The following RCAN1 variants were observed in gnomAD, a reference collection of about 807,000 sequenced individuals.
The protein encoded by RCAN1 is calcipressin-1.
A neutral mutation model predicts 22.9 loss-of-function variants in RCAN1; 11 were observed. The ratio of observed to expected loss-of-function variants is 0.48; its 90% CI spans 0.30 to 0.79. The LOEUF is 0.79. RCAN1 is among the 30% of genes least tolerant of loss of function. RCAN1 has a pLI of 0.06. For missense variants in RCAN1, 291 were observed against 337.8 expected, an observed-to-expected ratio of 0.86 and a Z score of 1.09; for synonymous variants, 136 against 142.3, an observed-to-expected ratio of 0.96 and a Z score of 0.32.
chr21:34,560,949 C>T (rs1986767830), intron 1 of RCAN1, among the ~76,000 whole-genome samples: 1 of 152,210 alleles, frequency 6.6e-6, no homozygotes, highest in South Asian at 2.1e-4. Flanking sequence ...CTCGATAATC[C>T]CCACATGTCA....
At chr21:34,536,338 T>C (rs755798304) in intron 1 of RCAN1, among the ~76,000 whole-genome samples, 7 of 152,246 alleles carry the variant, frequency 4.6e-5, no homozygotes, top group Non-Finnish European at 7.3e-5. Flanking sequence ...AATTTCTGCT[T>C]TGATGCCATT....
chr21:34,524,626 ACT>A (rs1206573276), intron 1 of RCAN1: 1 of 153,072 alleles, frequency 6.5e-6, no homozygotes, highest in African/African-American at 2.4e-5. Flanking sequence ...TTACTTTTTA[ACT>A]CTCTAAAATG....
At chr21:34,525,185 C>T (rs896463240) in intron 1 of RCAN1, 31 of 1,550,438 alleles carry the variant, frequency 2.0e-5, no homozygotes, top group Non-Finnish European at 2.6e-5. Flanking sequence ...TGCTAGCAAG[C>T]GCGGGGAGGC....
At chr21:34,532,556 T>A (rs138716781) in intron 1 of RCAN1, among the ~76,000 whole-genome samples, 1 of 152,306 alleles carries the variant, frequency 6.6e-6, no homozygotes, top group East Asian at 1.9e-4. Flanking sequence ...TACAAAATAG[T>A]CTCTCAAAAA....
At position 34,607,800 on chromosome 21, in the gene RCAN1, G is replaced by A. The variant is rs1006457101; in HGVS notation, c.252+6960C>T. Among the ~76,000 whole-genome samples, 7 of 152,292 alleles carry A rather than the reference G, an allele frequency of 4.6e-5. No homozygotes were observed. In the South Asian group the frequency reaches 6.2e-4, roughly 14 times the overall value. Reference sequence around the variant, plus strand: ...CCTATAGCAGGGATCGCCAACCTCCGGACCACAGACCAGTGCCAGTCCATG... The same window carrying A: ...CCTATAGCAGGGATCGCCAACCTCCAGACCACAGACCAGTGCCAGTCCATG... On this transcript the variant is annotated intron_variant, in intron 1 of 3. Transcript: ENST00000313806.
At position 34,525,905 on chromosome 21, in the gene RCAN1, T is replaced by TA. The variant is rs540121291; in HGVS notation, c.253-2196_253-2195insT. 4.8e-3 allele frequency among the ~76,000 whole-genome samples: 723 copies of TA among 150,874 alleles called. 4 individuals are homozygous for TA. Among genetic ancestry groups the TA allele is most frequent in the African/African-American group, 0.017 (688 of 40,262 alleles). ...ATTATGGAGTTACATTTGATTTTTT[T>TA]TAAAAAAAGAAACCTTCGCATGTCC... is the stretch of plus-strand genomic sequence containing the variant. On this transcript the variant is annotated intron_variant, in intron 1 of 3. Coordinates refer to ENST00000313806, the MANE Select transcript of RCAN1 (RefSeq NM_004414.7).
intron 1 of RCAN1, among the ~76,000 whole-genome samples, chr21:34,576,522 T>G (rs998080142): frequency 8.5e-5 from 13 of 152,120 alleles, no homozygotes; most frequent in Non-Finnish European, 1.5e-4. Flanking sequence ...TTTAAATCAG[T>G]CTTTGATTGT....
chr21:34,564,073 G>T (rs61458544), intron 1 of RCAN1, among the ~76,000 whole-genome samples: 4 of 151,780 alleles, frequency 2.6e-5, no homozygotes, highest in African/African-American at 9.7e-5. Context: ...TTACAATCAT[G>T]GTGGAAGGCA....
At chr21:34,550,929 G>A (rs939445603) in intron 1 of RCAN1, among the ~76,000 whole-genome samples, 4 of 152,168 alleles carry the variant, frequency 2.6e-5, no homozygotes, top group South Asian at 2.1e-4. Flanking sequence ...TCATATAGCC[G>A]ATAGAATCTG....
At chr21:34,581,345 G>A (rs1005520745) in intron 1 of RCAN1, among the ~76,000 whole-genome samples, 1 of 152,184 alleles carries the variant, frequency 6.6e-6, no homozygotes, top group Non-Finnish European at 1.5e-5. Flanking sequence ...ACTGGGTAGA[G>A]AAAGGAAGAC....
intron 1 of RCAN1, among the ~76,000 whole-genome samples, chr21:34,538,119 C>G (rs7280583): frequency 6.6e-6 from 1 of 152,018 alleles, no homozygotes; most frequent in South Asian, 2.1e-4. Context: ...ACAGAATTAG[C>G]TCATGATTCA....
chr21:34,605,346 C>A (rs932982715), intron 1 of RCAN1, among the ~76,000 whole-genome samples: 7 of 152,248 alleles, frequency 4.6e-5, no homozygotes, highest in Non-Finnish European at 7.3e-5. Context: ...AGCTTGTAGA[C>A]AGCCTATTGT....
At chr21:34,559,040 T>C (rs1400490399) in intron 1 of RCAN1, among the ~76,000 whole-genome samples, 1 of 152,168 alleles carries the variant, frequency 6.6e-6, no homozygotes, top group East Asian at 1.9e-4. Context: ...TAAAAACAGG[T>C]TTCCAATTAA....
intron 1 of RCAN1, among the ~76,000 whole-genome samples, chr21:34,529,859 C>T (rs1301611214): frequency 6.6e-6 from 1 of 152,134 alleles, no homozygotes; most frequent in Non-Finnish European, 1.5e-5. Context: ...CATGGGGGGC[C>T]AGTCTTTCCT....
chr21:34,556,869 G>T (rs1986594168), intron 1 of RCAN1, among the ~76,000 whole-genome samples: 1 of 152,152 alleles, frequency 6.6e-6, no homozygotes, highest in Non-Finnish European at 1.5e-5. Flanking sequence ...TGAGAAGGGT[G>T]CTTTCACTGC....
intron 1 of RCAN1, among the ~76,000 whole-genome samples, chr21:34,571,149 C>T (rs1027436215): frequency 1.2e-4 from 18 of 152,010 alleles, no homozygotes; most frequent in Admixed American, 1.0e-3. Flanking sequence ...CAAAATTAGC[C>T]GGGCATGGTG....
intron 1 of RCAN1, among the ~76,000 whole-genome samples, chr21:34,603,646 T>C (rs1988433362): frequency 6.6e-6 from 1 of 152,176 alleles, no homozygotes; most frequent in Non-Finnish European, 1.5e-5. Flanking sequence ...GAGTCGGATA[T>C]CCAGTTACCC....
intron 1 of RCAN1, among the ~76,000 whole-genome samples, chr21:34,571,058 C>A (rs1018865418): frequency 6.6e-6 from 1 of 152,060 alleles, no homozygotes; most frequent in African/African-American, 2.4e-5. Flanking sequence ...CTTTGGGAGG[C>A]CGAGGCAGGC....
Position 34,526,541 on chromosome 21 carries a change from G to T in RCAN1, c.253-2831C>A. The T allele has an allele frequency of 7.2e-6, 7 of 966,980 alleles. No homozygotes were observed. The South Asian group carries it at 9.8e-5, about 13-fold the overall frequency. 59.9% of individuals were successfully genotyped at this position (966,980 alleles called of 1,614,324 possible). A position where few individuals can be genotyped will look rare whatever the true frequency, so the allele number is the denominator to read the frequency against. On this transcript the variant is annotated intron_variant, in intron 1 of 3. Coordinates refer to ENST00000313806, the MANE Select transcript of RCAN1 (RefSeq NM_004414.7). ...GATTTTCAAGGCTCGAAAGACTTTGGATTTCTTTCAAAACCCCCAAACCCA... is the reference window on the plus strand; with the variant it reads ...GATTTTCAAGGCTCGAAAGACTTTGTATTTCTTTCAAAACCCCCAAACCCA...
Sources: allele counts gnomAD v4.1 joint callset (sites outside exome capture counted in the v4.1 genomes callset), GRCh38; gene constraint gnomAD v4.1.1; transcripts MANE v1.5; gene names NCBI Gene and HGNC (gene_info 2026-07-23, HGNC 2026-07-21).